The following TYW1 variants were observed in gnomAD, a reference collection of about 807,000 sequenced individuals.
TYW1 encodes S-adenosyl-L-methionine-dependent tRNA 4-demethylwyosine synthase TYW1.
In TYW1, 46 loss-of-function variants were observed where a neutral mutation model predicts 96.2. That is an observed-to-expected ratio of 0.48 (90% CI 0.38 to 0.61). TYW1 has a LOEUF of 0.61. TYW1 is among the 20% of genes least tolerant of loss of function. The pLI, the probability that TYW1 is intolerant of heterozygous loss-of-function variation, is 0.00. For missense variants in TYW1, 684 were observed against 909.6 expected (o/e 0.75, Z 3.19); for synonymous variants, 274 against 323.0 (o/e 0.85, Z 1.63).
At chr7:67,215,274 A>G (rs1353755773) in intron 15 of TYW1, among the ~76,000 whole-genome samples, 1 of 151,764 alleles carries the variant, frequency 6.6e-6, no homozygotes, top group Non-Finnish European at 1.5e-5. Context: ...CATTAGCTCA[A>G]GCACCCACCC....
intron 12 of TYW1, among the ~76,000 whole-genome samples, chr7:67,112,903 C>T (rs1797468222): frequency 6.6e-6 from 1 of 152,158 alleles, no homozygotes; most frequent in Non-Finnish European, 1.5e-5. Context: ...TCACTGGCTA[C>T]ATAAAACTTC....
intron 15 of TYW1, among the ~76,000 whole-genome samples, chr7:67,213,349 G>A (rs948522513): frequency 5.3e-5 from 8 of 152,080 alleles, no homozygotes; most frequent in African/African-American, 9.7e-5. Context: ...TAGTTGAGAC[G>A]GGGTTTCATT....
At chr7:67,081,620 C>T (rs1796395000) in intron 10 of TYW1, among the ~76,000 whole-genome samples, 1 of 151,774 alleles carries the variant, frequency 6.6e-6, no homozygotes, top group South Asian at 2.1e-4. Flanking sequence ...TCCCATCATT[C>T]CTGTAGGCTT....
chr7:67,061,932 C>T (rs1795708753), intron 9 of TYW1, among the ~76,000 whole-genome samples: 1 of 152,162 alleles, frequency 6.6e-6, no homozygotes, highest in South Asian at 2.1e-4. Flanking sequence ...TCATTAATTA[C>T]TTAATTTGAA....
intron 15 of TYW1, among the ~76,000 whole-genome samples, chr7:67,202,978 CCTT>C (rs1282883442): frequency 9.9e-5 from 15 of 152,254 alleles, no homozygotes; most frequent in African/African-American, 3.6e-4. Context: ...AACCCATAGA[CCTT>C]ATTCAGATTT....
chr7:67,227,535 G>A (rs890017166), intron 15 of TYW1, among the ~76,000 whole-genome samples: 1 of 152,116 alleles, frequency 6.6e-6, no homozygotes, highest in Non-Finnish European at 1.5e-5. Flanking sequence ...GGGATTACAG[G>A]CGTGAGCCAC....
At chr7:67,049,912 C>T (rs1795304524) in intron 7 of TYW1, 37 bp from the exon 8 acceptor site, 1 of 1,611,756 alleles carries the variant, frequency 6.2e-7, no homozygotes, top group Non-Finnish European at 8.5e-7. Context: ...TTGCACATTA[C>T]CAATTCTGGA....
chr7:67,187,893 CAAATG>C (rs1800080642), intron 14 of TYW1, among the ~76,000 whole-genome samples: 2 of 152,162 alleles, frequency 1.3e-5, no homozygotes, highest in African/African-American at 2.4e-5. Context: ...ATTCAAAAGA[CAAATG>C]AAATCAGTAA....
chr7:67,226,653 G>T (rs1002679064), intron 15 of TYW1, among the ~76,000 whole-genome samples: 1 of 152,082 alleles, frequency 6.6e-6, no homozygotes, highest in Non-Finnish European at 1.5e-5. Flanking sequence ...CCAGTCTCCC[G>T]CACAGCTGGC....
chr7:67,239,057 A>C lies in TYW1; in HGVS notation c.*528A>C, dbSNP rs11767172. The C allele has an allele frequency of 0.07, 68,981 of 988,042 alleles. 2,540 individuals carry two copies. Among genetic ancestry groups the C allele is most frequent in the South Asian group, 0.1 (2,258 of 21,600 alleles). 61.2% of individuals were successfully genotyped at this position (988,042 alleles called of 1,614,324 possible). On this transcript the variant is annotated 3_prime_UTR_variant, in exon 16 of 16. Transcript: ENST00000359626. The stretch of plus-strand genomic sequence containing the variant: ...AGAATCGAAGTTGTCACAACTCTCA[A>C]TTATTTTTTAAATACTGCATAGATT...
intron 9 of TYW1, among the ~76,000 whole-genome samples, chr7:67,063,168 T>C (rs1288941248): frequency 6.6e-6 from 1 of 152,132 alleles, no homozygotes; most frequent in African/African-American, 2.4e-5. Flanking sequence ...ATCCACCATA[T>C]CAAACATGCT....
chr7:67,079,890 A>G (rs1796327574), intron 10 of TYW1, among the ~76,000 whole-genome samples: 1 of 152,132 alleles, frequency 6.6e-6, no homozygotes, highest in South Asian at 2.1e-4. Flanking sequence ...CCATTACTTT[A>G]TATAGGTTCC....
At chr7:67,151,626 G>C (rs1259317540) in intron 13 of TYW1, among the ~76,000 whole-genome samples, 1 of 152,110 alleles carries the variant, frequency 6.6e-6, no homozygotes, top group East Asian at 1.9e-4. Context: ...ACAGGAAACT[G>C]GTGTTCAAAC....
intron 13 of TYW1, among the ~76,000 whole-genome samples, chr7:67,137,880 G>A (rs12537633): frequency 0.04 from 6,022 of 152,232 alleles, 170 homozygotes; most frequent in Middle Eastern, 0.1. Flanking sequence ...AGCCACTGCC[G>A]AAAACAACCT....
intron 14 of TYW1, among the ~76,000 whole-genome samples, chr7:67,184,644 T>TTATG (rs1799952592): frequency 5.7e-5 from 2 of 34,792 alleles, no homozygotes; most frequent in East Asian, 1.4e-3. Context: ...TTTATTTTAT[T>TTATG]TTATTTATGT....
intron 15 of TYW1, among the ~76,000 whole-genome samples, chr7:67,197,314 C>T (rs1351118652): frequency 2.7e-5 from 4 of 147,672 alleles, no homozygotes; most frequent in Non-Finnish European, 4.4e-5. Flanking sequence ...TAGGTACTAT[C>T]GAGACCTCTG....
intron 12 of TYW1, among the ~76,000 whole-genome samples, chr7:67,100,195 A>G (rs1276568667): frequency 3.3e-5 from 5 of 152,024 alleles, no homozygotes; most frequent in African/African-American, 4.8e-5. Flanking sequence ...TGGTAGGATG[A>G]TGAGGTTGGG....
chr7:67,123,479 T>C (rs1277055784), intron 13 of TYW1, among the ~76,000 whole-genome samples: 1 of 152,210 alleles, frequency 6.6e-6, no homozygotes, highest in Non-Finnish European at 1.5e-5. Context: ...TAATATCGTT[T>C]TAGAGAAATG....
intron 15 of TYW1, among the ~76,000 whole-genome samples, chr7:67,218,733 G>C (rs76027005): frequency 1.3e-5 from 2 of 152,120 alleles, no homozygotes; most frequent in Non-Finnish European, 1.5e-5. Context: ...AAATGCAGCT[G>C]ATTTTTGCAT....
Sources: gnomAD v4.1 joint callset for allele counts (sites outside exome capture counted in the v4.1 genomes callset) on GRCh38, gnomAD v4.1.1 for gene constraint, MANE v1.5 for transcripts, NCBI Gene and HGNC (gene_info 2026-07-23, HGNC 2026-07-21) for gene names.